The following MTHFD1L variants were observed in gnomAD, a reference collection of about 807,000 sequenced individuals.
MTHFD1L encodes the protein methylenetetrahydrofolate dehydrogenase (NADP+ dependent) 1 like.
MTHFD1L carries 81 observed loss-of-function variants against 119.5 expected under a neutral mutation model. That is an observed-to-expected ratio of 0.68 (90% CI 0.57 to 0.82). The LOEUF (loss-of-function observed/expected upper bound fraction) is 0.82, where lower values mean the gene tolerates loss of function less well. MTHFD1L is among the 40% of genes least tolerant of loss of function. The probability of loss-of-function intolerance (pLI) is 0.00; values close to 1 mark genes in which losing one functional copy is unlikely to be tolerated. For synonymous variants in MTHFD1L, 430 were observed against 475.2 expected (o/e 0.90, Z 1.24); for missense variants, 1,125 against 1,253.4 (o/e 0.90, Z 1.55).
At chr6:150,943,536 A>G (rs1793493296) in intron 13 of MTHFD1L, among the ~76,000 whole-genome samples, 1 of 152,190 alleles carries the variant, frequency 6.6e-6, no homozygotes, top group Non-Finnish European at 1.5e-5. Context: ...CTGAAAATAT[A>G]TTACTCATTA....
intron 26 of MTHFD1L, among the ~76,000 whole-genome samples, chr6:151,087,262 T>TAAATAAAA (rs1370843459): frequency 1.8e-5 from 2 of 113,918 alleles, no homozygotes; most frequent in African/African-American, 6.2e-5. Flanking sequence ...AATAAATAAA[T>TAAATAAAA]AAATAAATAA....
intron 20 of MTHFD1L, among the ~76,000 whole-genome samples, chr6:150,986,973 A>T (rs998220798): frequency 6.6e-6 from 1 of 152,178 alleles, no homozygotes; most frequent in Non-Finnish European, 1.5e-5. Flanking sequence ...AAGTGCTGGG[A>T]TTACAGACGT....
chr6:150,888,612 T>A (rs1782696715), intron 7 of MTHFD1L, among the ~76,000 whole-genome samples: 1 of 152,186 alleles, frequency 6.6e-6, no homozygotes, highest in Non-Finnish European at 1.5e-5. Context: ...AGATGCAATA[T>A]CTTAAAGATA....
intron 26 of MTHFD1L, among the ~76,000 whole-genome samples, chr6:151,078,400 T>C (rs936384811): frequency 9.8e-5 from 15 of 152,300 alleles, no homozygotes; most frequent in Non-Finnish European, 2.1e-4. Flanking sequence ...ATTAATTTTC[T>C]CTTTTTTCTG....
chr6:150,877,577 T>A (rs1583324893), intron 2 of MTHFD1L, 57 bp from the exon 3 acceptor site: 1 of 1,564,664 alleles, frequency 6.4e-7, no homozygotes, highest in East Asian at 2.2e-5. Context: ...CTCTGGATTA[T>A]CTTTTGTGCC....
At chr6:150,967,403 C>T (rs1048559942) in intron 19 of MTHFD1L, among the ~76,000 whole-genome samples, 3 of 142,090 alleles carry the variant, frequency 2.1e-5, no homozygotes, top group African/African-American at 7.6e-5. Context: ...CTGATGACCC[C>T]TCACCTTTTT....
chr6:150,982,636 A>G (rs567576536), intron 20 of MTHFD1L, among the ~76,000 whole-genome samples: 21 of 152,174 alleles, frequency 1.4e-4, no homozygotes, highest in African/African-American at 4.8e-4. Flanking sequence ...ACGTAATACC[A>G]ATTTATATCA....
At chr6:150,954,077 G>T (rs774231793) in intron 16 of MTHFD1L, among the ~76,000 whole-genome samples, 2 of 152,226 alleles carry the variant, frequency 1.3e-5, no homozygotes, top group African/African-American at 2.4e-5. Flanking sequence ...CAACAGCCGA[G>T]TCAGGGAACA....
intron 24 of MTHFD1L, chr6:151,022,323 A>G (rs1784053409): frequency 4.3e-6 from 1 of 232,218 alleles, no homozygotes; most frequent in Non-Finnish European, 8.9e-6. Context: ...GACTTGGAGC[A>G]TTTGCAACTA....
chr6:151,009,122 C>CAAAAAA (rs59189384), intron 20 of MTHFD1L, among the ~76,000 whole-genome samples: 1 of 96,866 alleles, frequency 1.0e-5, no homozygotes, highest in African/African-American at 3.7e-5. Flanking sequence ...AACTCCATCT[C>CAAAAAA]AAAAAAAAAA....
intron 11 of MTHFD1L, chr6:150,935,417 T>G: frequency 6.2e-7 from 1 of 1,613,902 alleles, no homozygotes; most frequent in Non-Finnish European, 8.5e-7. Flanking sequence ...TGAGAAATTG[T>G]TAGCAATGGG....
At position 150,866,054 on chromosome 6, in the gene MTHFD1L, G is replaced by C. The variant is rs767228532; in HGVS notation, c.227+5G>C. On this transcript the variant is annotated splice_donor_5th_base_variant and intron_variant, in intron 1 of 27. Coordinates refer to ENST00000367321, the MANE Select transcript of MTHFD1L (RefSeq NM_015440.5). ...GGCGCGGGACTCCATCGTCAGGTGAGTGTCGGGTCTGGCCCTGGCCCAGGT... is the reference window on the plus strand; with the variant it reads ...GGCGCGGGACTCCATCGTCAGGTGACTGTCGGGTCTGGCCCTGGCCCAGGT... 15 of 1,473,240 alleles carry C rather than the reference G, an allele frequency of 1.0e-5. No individual in the cohort carries two copies. The highest frequency in any genetic ancestry group is 8.9e-7 in the Non-Finnish European group (1 of 1,119,820). The allele number at this position is 1,473,240 out of a possible 1,614,324, so 91.3% of individuals were successfully genotyped here. A position where few individuals can be genotyped will look rare whatever the true frequency, so the allele number is the denominator to read the frequency against.
intron 16 of MTHFD1L, among the ~76,000 whole-genome samples, chr6:150,949,427 G>A (rs1365488798): frequency 6.7e-6 from 1 of 150,308 alleles, no homozygotes; most frequent in Non-Finnish European, 1.5e-5. Context: ...TTGGCCTCTT[G>A]TATCTATATT....
intron 2 of MTHFD1L, 116 bp from the exon 3 acceptor site, chr6:150,877,518 C>T (rs1780643470): frequency 1.7e-6 from 2 of 1,155,008 alleles, no homozygotes; most frequent in Admixed American, 2.2e-5. Flanking sequence ...TTTTTCTGCA[C>T]CTTCCATATT....
chr6:151,026,292 G>A (rs1784592511), intron 24 of MTHFD1L, among the ~76,000 whole-genome samples: 2 of 152,214 alleles, frequency 1.3e-5, no homozygotes, highest in Non-Finnish European at 2.9e-5. Context: ...TTCAGCTAGT[G>A]TTTATGTTGT....
intron 7 of MTHFD1L, among the ~76,000 whole-genome samples, chr6:150,899,844 C>T (rs1021748819): frequency 1.5e-4 from 22 of 151,690 alleles, no homozygotes; most frequent in African/African-American, 3.4e-4. Flanking sequence ...TGGTGGCATG[C>T]GCCTGTAATC....
intron 8 of MTHFD1L, among the ~76,000 whole-genome samples, chr6:150,914,098 C>A (rs529367307): frequency 3.9e-5 from 6 of 152,286 alleles, no homozygotes; most frequent in African/African-American, 1.4e-4. Context: ...CCACTGCACT[C>A]CAGCCTGGGC....
At chr6:151,091,462 G>A (rs1329535017) in intron 26 of MTHFD1L, among the ~76,000 whole-genome samples, 2 of 152,120 alleles carry the variant, frequency 1.3e-5, no homozygotes, top group Non-Finnish European at 2.9e-5. Context: ...CAGCACACAG[G>A]GGGCTTCTGA....
chr6:151,070,457 G>C (rs1791834783), intron 26 of MTHFD1L, among the ~76,000 whole-genome samples: 1 of 152,220 alleles, frequency 6.6e-6, no homozygotes, highest in East Asian at 1.9e-4. Flanking sequence ...TTTAGGGAAA[G>C]TTGTAAAATA....
Sources: gnomAD v4.1 joint callset for allele counts (sites outside exome capture counted in the v4.1 genomes callset) on GRCh38, gnomAD v4.1.1 for gene constraint, MANE v1.5 for transcripts, NCBI Gene and HGNC (gene_info 2026-07-23, HGNC 2026-07-21) for gene names.